ADAMTSL1: variants seen among roughly 807,000 people sequenced by gnomAD.
ADAMTSL1 encodes the protein ADAMTS-like protein 1.
A neutral mutation model predicts 201.8 loss-of-function variants in ADAMTSL1; 126 were observed. The ratio of observed to expected loss-of-function variants is 0.62; its 90% confidence interval spans 0.54 to 0.72. The LOEUF is 0.72. Ranked by LOEUF, ADAMTSL1 falls within the 30% of genes least tolerant of loss-of-function variation. The pLI, the probability that ADAMTSL1 is intolerant of heterozygous loss-of-function variation, is 0.00. For missense variants in ADAMTSL1, 2,679 were observed against 2,277.8 expected, an observed-to-expected ratio of 1.18 and a Z score of -3.59; for synonymous variants, 1,121 against 903.4, an observed-to-expected ratio of 1.24 and a Z score of -4.32.
intron 1 of ADAMTSL1, among the ~76,000 whole-genome samples, chr9:18,139,158 T>C (rs1319089444): frequency 1.3e-5 from 2 of 152,326 alleles, no homozygotes; most frequent in African/African-American, 4.8e-5. Context: ...TTGAACCTTA[T>C]GGAATTGTGA....
intron 1 of ADAMTSL1, among the ~76,000 whole-genome samples, chr9:18,031,896 G>C (rs990436498): frequency 6.6e-6 from 1 of 152,212 alleles, no homozygotes; most frequent in Non-Finnish European, 1.5e-5. Context: ...AGGGGTCAAA[G>C]GCACATGATC....
chr9:18,283,950 G>T (rs545222865), intron 2 of ADAMTSL1, among the ~76,000 whole-genome samples: 5 of 96,132 alleles, frequency 5.2e-5, no homozygotes, highest in Non-Finnish European at 9.1e-5. Flanking sequence ...GAAGAAGAAG[G>T]CTGGGTGTGG....
chr9:18,087,649 G>A (rs560881900), intron 1 of ADAMTSL1, among the ~76,000 whole-genome samples: 19 of 152,162 alleles, frequency 1.2e-4, no homozygotes, highest in South Asian at 6.2e-4. Flanking sequence ...AAGTTGTATC[G>A]TAATTTAACA....
At chr9:18,029,698 C>G (rs1338639989) in intron 1 of ADAMTSL1, among the ~76,000 whole-genome samples, 1 of 151,896 alleles carries the variant, frequency 6.6e-6, no homozygotes, top group Non-Finnish European at 1.5e-5. Flanking sequence ...AACAAATTTA[C>G]AAGAAAAAAA....
At chr9:18,867,023 T>C (rs915554101) in intron 23 of ADAMTSL1, among the ~76,000 whole-genome samples, 4 of 152,220 alleles carry the variant, frequency 2.6e-5, no homozygotes, top group Non-Finnish European at 5.9e-5. Flanking sequence ...TCTCCCTCTC[T>C]ACTAAATGTA....
At chr9:18,689,537 A>C (rs142926291) in intron 13 of ADAMTSL1, among the ~76,000 whole-genome samples, 1 of 152,068 alleles carries the variant, frequency 6.6e-6, no homozygotes. Flanking sequence ...AAGGAAAAAG[A>C]AAAAAGAAAA....
At chr9:18,850,432 T>G (rs1826419282) in intron 23 of ADAMTSL1, among the ~76,000 whole-genome samples, 1 of 152,202 alleles carries the variant, frequency 6.6e-6, no homozygotes, top group Non-Finnish European at 1.5e-5. Flanking sequence ...AATGGCAGTT[T>G]TACAGCACTA....
intron 1 of ADAMTSL1, among the ~76,000 whole-genome samples, chr9:17,934,704 A>C (rs764121473): frequency 2.0e-5 from 3 of 152,072 alleles, no homozygotes; most frequent in Non-Finnish European, 4.4e-5. Context: ...AGCAGCTATC[A>C]GACAAAAAGT....
intron 2 of ADAMTSL1, among the ~76,000 whole-genome samples, chr9:18,283,164 A>C (rs1395678164): frequency 6.6e-6 from 1 of 152,140 alleles, no homozygotes; most frequent in Non-Finnish European, 1.5e-5. Context: ...TATAATTGGT[A>C]TATCTTTGAT....
chr9:18,557,905 G>A (rs894929078), intron 3 of ADAMTSL1, among the ~76,000 whole-genome samples: 9 of 151,852 alleles, frequency 5.9e-5, no homozygotes, highest in African/African-American at 1.7e-4. Context: ...CTGTTGCCTG[G>A]TAATTATATA....
chr9:18,856,081 G>A (rs1410009070), intron 23 of ADAMTSL1, among the ~76,000 whole-genome samples: 4 of 152,110 alleles, frequency 2.6e-5, no homozygotes, highest in African/African-American at 7.2e-5. Context: ...TTCAGAAACT[G>A]GTTCATGATA....
intron 23 of ADAMTSL1, among the ~76,000 whole-genome samples, chr9:18,844,307 C>A (rs1825938927): frequency 6.6e-6 from 1 of 152,224 alleles, no homozygotes; most frequent in South Asian, 2.1e-4. Flanking sequence ...CCACTCCAGA[C>A]CCTGTTTGCC....
chr9:17,929,871 G>A (rs753476813), intron 1 of ADAMTSL1, among the ~76,000 whole-genome samples: 5 of 151,840 alleles, frequency 3.3e-5, no homozygotes, highest in Non-Finnish European at 5.9e-5. Context: ...TTTGTTATAC[G>A]TCTGCCATCC....
intron 2 of ADAMTSL1, among the ~76,000 whole-genome samples, chr9:18,334,126 A>G (rs1209407777): frequency 2.0e-5 from 3 of 152,156 alleles, no homozygotes; most frequent in African/African-American, 4.8e-5. Context: ...AGTGATTAAT[A>G]TTACTTACTT....
intron 2 of ADAMTSL1, among the ~76,000 whole-genome samples, chr9:18,169,340 A>G (rs1033684563): frequency 1.3e-4 from 20 of 152,066 alleles, no homozygotes; most frequent in Non-Finnish European, 2.2e-4. Context: ...AGCTTTCTAC[A>G]TATGGCTAGC....
rs1230462075 is a variant in ADAMTSL1, at chr9:18,392,876, TCAGGTCTTTGCTTCTGC to T, written c.208-111949_208-111933del. 3.9e-5 allele frequency among the ~76,000 whole-genome samples: 6 copies of T among 152,214 alleles called. No individual in the cohort carries two copies. The South Asian group carries it at 1.0e-3, about 26-fold the overall frequency. The stretch of plus-strand genomic sequence containing the variant: ...GCCTCCCTCACTTTTGTGGTAGAAA[TCAGGTCTTTGCTTCTGC>T]CAGTCTTAGGCTACACATGGCTATT... On this transcript the variant is annotated intron_variant, in intron 2 of 29. Coordinates refer to the ADAMTSL1 transcript ENST00000680146.
intron 7 of ADAMTSL1, among the ~76,000 whole-genome samples, chr9:18,655,365 A>G (rs1324380525): frequency 6.6e-6 from 1 of 152,204 alleles, no homozygotes; most frequent in African/African-American, 2.4e-5. Context: ...ATGTTGAATT[A>G]GAAACACTGA....
chr9:18,033,297 A>G (rs1821054839), intron 1 of ADAMTSL1, among the ~76,000 whole-genome samples: 1 of 152,210 alleles, frequency 6.6e-6, no homozygotes, highest in South Asian at 2.1e-4. Flanking sequence ...GGGTGTATTA[A>G]TTAGCTTGAG....
At chr9:18,205,182 A>C (rs1250634017) in intron 2 of ADAMTSL1, among the ~76,000 whole-genome samples, 3 of 152,214 alleles carry the variant, frequency 2.0e-5, no homozygotes, top group Non-Finnish European at 4.4e-5. Flanking sequence ...GGTGGCACAT[A>C]CACATTGATT....
Sources: allele counts gnomAD v4.1 joint callset (sites outside exome capture counted in the v4.1 genomes callset), GRCh38; gene constraint gnomAD v4.1.1; transcripts MANE v1.5; gene names NCBI Gene and HGNC (gene_info 2026-07-23, HGNC 2026-07-21).